RASA2: variants seen among roughly 807,000 people sequenced by gnomAD.
The protein encoded by RASA2 is RAS p21 protein activator 2.
RASA2 carries 155 observed loss-of-function variants against 118.2 expected under a neutral mutation model. The ratio of observed to expected loss-of-function variants is 1.31; its 90% CI spans 1.15 to 1.50. The LOEUF is 1.50. Among genes scored for constraint, RASA2 ranks in the 40% most tolerant of loss-of-function variants. The pLI, the probability that RASA2 is intolerant of heterozygous loss-of-function variation, is 0.00. For synonymous variants in RASA2, 353 were observed against 349.1 expected, an observed-to-expected ratio of 1.01 and a Z score of -0.12; for missense variants, 1,016 against 1,009.6, an observed-to-expected ratio of 1.01 and a Z score of -0.09.
intron 10 of RASA2, 90 bp downstream of exon 10, chr3:141,571,158 T>G (rs1005373128): frequency 7.3e-6 from 10 of 1,377,330 alleles, no homozygotes; most frequent in Non-Finnish European, 9.7e-6. Flanking sequence ...GAGTATCAAG[T>G]CTTATTAAAA....
At chr3:141,551,948 C>T (rs2082581409) in intron 5 of RASA2, among the ~76,000 whole-genome samples, 1 of 152,014 alleles carries the variant, frequency 6.6e-6, no homozygotes, top group Non-Finnish European at 1.5e-5. Context: ...TATGAAATTG[C>T]TTACTTACAG....
At chr3:141,559,702 T>C (rs2082702005) in intron 8 of RASA2, among the ~76,000 whole-genome samples, 192 bp from the exon 9 acceptor site, 1 of 152,130 alleles carries the variant, frequency 6.6e-6, no homozygotes, top group Non-Finnish European at 1.5e-5. Flanking sequence ...TTTCTGTGCT[T>C]TTTAAATAAA....
intron 7 of RASA2, among the ~76,000 whole-genome samples, chr3:141,558,657 C>T (rs935005385): frequency 2.0e-5 from 3 of 151,582 alleles, no homozygotes; most frequent in Non-Finnish European, 4.4e-5. Flanking sequence ...TTTTCTTAGA[C>T]TTGAGTGAGA....
rs2081836617 is a variant in RASA2, at chr3:141,504,622, A to AT, written c.134-7539dup. On this transcript the variant is annotated intron_variant, in intron 1 of 23. Transcript: ENST00000286364. ...GACCTGCAAGTTTTCGCTCATTGAG[A>AT]TTACTACAGTAGCCTCCTATCTAGT... Among the ~76,000 whole-genome samples, 3 of 152,074 alleles carry AT rather than the reference A, an allele frequency of 2.0e-5. No individual in the cohort carries two copies. The South Asian group carries it at 6.2e-4, about 32-fold the overall frequency.
chr3:141,494,557 C>A (rs1172667229), intron 1 of RASA2, among the ~76,000 whole-genome samples: 1 of 152,026 alleles, frequency 6.6e-6, no homozygotes, highest in African/African-American at 2.4e-5. Context: ...TTGGTAGAGA[C>A]GGGGTTTCAC....
intron 2 of RASA2, among the ~76,000 whole-genome samples, chr3:141,513,518 C>T (rs2081982830): frequency 1.3e-5 from 2 of 152,054 alleles, no homozygotes; most frequent in Non-Finnish European, 2.9e-5. Context: ...AGATACATAC[C>T]TACACATGTC....
In RASA2 at chr3:141,569,045, A is replaced by G. The variant is rs1027106383; in HGVS notation, c.864-1867A>G. ...TTGTTTTAGAATATACTAATAAAAG[A>G]CATATATAATACAGTTTTTCTGCAG... On this transcript the variant is annotated intron_variant, in intron 9 of 23. Transcript: ENST00000286364. Among the ~76,000 whole-genome samples the G allele has an allele frequency of 2.0e-5, 3 of 152,154 alleles. No individual in the cohort carries two copies. In the East Asian group the frequency reaches 5.8e-4, roughly 29 times the overall value.
chr3:141,519,089 A>G (rs2082072836), intron 3 of RASA2, among the ~76,000 whole-genome samples: 1 of 152,212 alleles, frequency 6.6e-6, no homozygotes, highest in East Asian at 1.9e-4. Context: ...ATAAATTCCT[A>G]GAAGTGAAAA....
intron 5 of RASA2, among the ~76,000 whole-genome samples, chr3:141,551,247 T>G (rs934416706): frequency 6.6e-5 from 10 of 152,226 alleles, no homozygotes; most frequent in African/African-American, 2.4e-4. Context: ...TGTGGTTTAC[T>G]TTTAACTTTT....
At chr3:141,528,998 C>G (rs753169960) in intron 3 of RASA2, among the ~76,000 whole-genome samples, 7 of 151,974 alleles carry the variant, frequency 4.6e-5, no homozygotes, top group Non-Finnish European at 8.8e-5. Context: ...GAAGGAAATG[C>G]TTTGTACCAA....
At chr3:141,594,583 C>T (rs1293278307) in intron 19 of RASA2, among the ~76,000 whole-genome samples, 1 of 152,092 alleles carries the variant, frequency 6.6e-6, no homozygotes, top group Admixed American at 6.6e-5. Flanking sequence ...TGACAGCCAA[C>T]TCCTCATAAA....
At chr3:141,513,945 A>G (rs1208647082) in intron 2 of RASA2, among the ~76,000 whole-genome samples, 1 of 152,172 alleles carries the variant, frequency 6.6e-6, no homozygotes, top group African/African-American at 2.4e-5. Context: ...AGAAGGATAA[A>G]TATATCAAAA....
intron 19 of RASA2, among the ~76,000 whole-genome samples, chr3:141,598,251 A>G (rs75556981): frequency 0.014 from 2,145 of 152,330 alleles, 65 homozygotes; most frequent in African/African-American, 0.049. Flanking sequence ...AAAAATACAT[A>G]TAATGAATTA....
chr3:141,521,463 A>G (rs1364803411), intron 3 of RASA2, among the ~76,000 whole-genome samples: 2 of 152,224 alleles, frequency 1.3e-5, no homozygotes, highest in Non-Finnish European at 2.9e-5. Flanking sequence ...ATACCTTAAG[A>G]AAAATGTTTA....
intron 1 of RASA2, among the ~76,000 whole-genome samples, chr3:141,510,792 G>A (rs2081939538): frequency 2.0e-5 from 3 of 152,318 alleles, no homozygotes; most frequent in African/African-American, 7.2e-5. Flanking sequence ...GGGGTTGGGG[G>A]AATGGAAGGA....
chr3:141,547,709 T>C (rs2082506902), intron 5 of RASA2, among the ~76,000 whole-genome samples: 1 of 152,216 alleles, frequency 6.6e-6, no homozygotes, highest in Non-Finnish European at 1.5e-5. Context: ...GTCTGATTGC[T>C]CTAGCTAGGA....
At chr3:141,600,399 A>G (rs1458427718) in intron 19 of RASA2, 3 of 473,442 alleles carry the variant, frequency 6.3e-6, no homozygotes, top group Non-Finnish European at 4.3e-6. Flanking sequence ...TCAATGTTCA[A>G]GATGAGCCTC....
At chr3:141,509,704 C>T (rs1266728104) in intron 1 of RASA2, among the ~76,000 whole-genome samples, 1 of 152,090 alleles carries the variant, frequency 6.6e-6, no homozygotes, top group African/African-American at 2.4e-5. Context: ...AGACAGTGTC[C>T]TGGAGGGACA....
chr3:141,510,917 A>G (rs1451623152), intron 1 of RASA2, among the ~76,000 whole-genome samples: 8 of 152,198 alleles, frequency 5.3e-5, no homozygotes, highest in Non-Finnish European at 1.2e-4. Context: ...AGTAACCTAA[A>G]GAATATGTTT....
Sources: allele counts gnomAD v4.1 joint callset (sites outside exome capture counted in the v4.1 genomes callset), GRCh38; gene constraint gnomAD v4.1.1; transcripts MANE v1.5; gene names NCBI Gene and HGNC (gene_info 2026-07-23, HGNC 2026-07-21).